The following ZNG1F variants were observed in gnomAD, a reference collection of about 807,000 sequenced individuals.
The protein encoded by ZNG1F is zinc-regulated GTPase metalloprotein activator 1F.
the ZNG1F span, among the ~76,000 whole-genome samples, chr9:41,201,152 G>A: frequency 7.0e-6 from 1 of 143,024 alleles, no homozygotes; most frequent in Non-Finnish European, 1.5e-5. Flanking sequence ...GGTGAAAGAA[G>A]CAATTTGTTC....
At chr9:41,187,185 C>G in the ZNG1F span, among the ~76,000 whole-genome samples, 221 of 142,976 alleles carry the variant, frequency 1.5e-3, 10 homozygotes, top group Admixed American at 3.0e-3. Flanking sequence ...TAATACGTTA[C>G]AGATTTATGC....
At chr9:41,156,084 T>G in the ZNG1F span, among the ~76,000 whole-genome samples, 1 of 128,066 alleles carries the variant, frequency 7.8e-6, no homozygotes, top group Non-Finnish European at 1.6e-5. Context: ...ATTTTCTATG[T>G]ATTTCATGCA....
chr9:41,165,113 T>C, the ZNG1F span: 2 of 1,546,424 alleles, frequency 1.3e-6, no homozygotes, highest in South Asian at 1.1e-5. Context: ...AAAAGAAATG[T>C]TAAGAAATTT....
chr9:41,150,573 GT>G, the ZNG1F span, among the ~76,000 whole-genome samples: 3 of 107,324 alleles, frequency 2.8e-5, no homozygotes, highest in Non-Finnish European at 3.9e-5. Flanking sequence ...ACCTGTCCCT[GT>G]CTGACAGCTT....
chr9:41,138,851 T>C, the ZNG1F span, among the ~76,000 whole-genome samples: 1 of 133,250 alleles, frequency 7.5e-6, no homozygotes, highest in Non-Finnish European at 1.6e-5. Context: ...TGCTATCTAG[T>C]TCATTGAATA....
the ZNG1F span, among the ~76,000 whole-genome samples, chr9:41,139,622 C>T: frequency 6.6e-5 from 10 of 151,568 alleles, no homozygotes; most frequent in African/African-American, 2.2e-4. Flanking sequence ...AAGAGAAGTA[C>T]AAGCAGACTA....
At chr9:41,146,424 AAT>A in the ZNG1F span, among the ~76,000 whole-genome samples, 2 of 25,560 alleles carry the variant, frequency 7.8e-5, no homozygotes, top group African/African-American at 1.6e-4. Context: ...AAAAAAAAAA[AAT>A]CTAACAACGA....
At chr9:41,145,546 A>G in the ZNG1F span, 2 of 609,146 alleles carry the variant, frequency 3.3e-6, no homozygotes, top group South Asian at 2.1e-5. Flanking sequence ...ACACATTCAT[A>G]TATATACATA....
the ZNG1F span, among the ~76,000 whole-genome samples, chr9:41,174,076 G>A: frequency 7.5e-5 from 11 of 146,816 alleles, no homozygotes; most frequent in African/African-American, 2.8e-4. Flanking sequence ...CCAAAAATTA[G>A]CCAGGTACGA....
chr9:41,144,414 T>A, the ZNG1F span, among the ~76,000 whole-genome samples: 1 of 121,976 alleles, frequency 8.2e-6, no homozygotes, highest in South Asian at 3.1e-4. Flanking sequence ...ATAAATTCTA[T>A]CTCCAAGGAC....
the ZNG1F span, among the ~76,000 whole-genome samples, chr9:41,166,215 T>C: frequency 3.9e-5 from 5 of 127,914 alleles, no homozygotes; most frequent in South Asian, 1.0e-3. Flanking sequence ...CTGGCCAACA[T>C]GGTGAAACCC....
chr9:41,166,445 C>CATAT, the ZNG1F span, among the ~76,000 whole-genome samples: 4 of 117,316 alleles, frequency 3.4e-5, no homozygotes, highest in African/African-American at 1.3e-4. Flanking sequence ...TATTATTATA[C>CATAT]ATATATATAT....
the ZNG1F span, among the ~76,000 whole-genome samples, chr9:41,141,095 T>C: frequency 4.6e-5 from 7 of 150,964 alleles, 1 homozygote; most frequent in Non-Finnish European, 8.9e-5. Context: ...TTTTAAGGGG[T>C]ACAATAAACT....
At chr9:41,169,217 C>T in the ZNG1F span, among the ~76,000 whole-genome samples, 2 of 151,208 alleles carry the variant, frequency 1.3e-5, no homozygotes, top group South Asian at 2.1e-4. Context: ...TTCCTACCTT[C>T]CCAAATCAAA....
At chr9:41,204,885 TGA>T in the ZNG1F span, among the ~76,000 whole-genome samples, 125 of 148,604 alleles carry the variant, frequency 8.4e-4, no homozygotes, top group African/African-American at 2.9e-3. Context: ...AATAATTTTA[TGA>T]GTTATAATTT....
At chr9:41,193,012 T>G in the ZNG1F span, among the ~76,000 whole-genome samples, 1 of 151,648 alleles carries the variant, frequency 6.6e-6, no homozygotes, top group Non-Finnish European at 1.5e-5. Context: ...ATAGGCACTG[T>G]GTTAAGCACA....
At chr9:41,175,219 G>T in the ZNG1F span, among the ~76,000 whole-genome samples, 7 of 147,534 alleles carry the variant, frequency 4.7e-5, no homozygotes, top group South Asian at 1.3e-3. Flanking sequence ...ATGAAATAAC[G>T]GTCAGCTGTT....
chr9:41,198,223 G>A, the ZNG1F span, among the ~76,000 whole-genome samples: 7,171 of 83,210 alleles, frequency 0.086, 1 homozygote, highest in Admixed American at 0.1. Context: ...CCGACATGGT[G>A]AAACCGTGTC....
chr9:41,137,276 G>A, the ZNG1F span, among the ~76,000 whole-genome samples: 3 of 149,168 alleles, frequency 2.0e-5, no homozygotes, highest in South Asian at 2.1e-4. Context: ...GTATCTGCAT[G>A]GTTTTGAAGG....
Sources: allele counts gnomAD v4.1 joint callset (sites outside exome capture counted in the v4.1 genomes callset), GRCh38; gene constraint gnomAD v4.1.1; transcripts MANE v1.5; gene names NCBI Gene and HGNC (gene_info 2026-07-23, HGNC 2026-07-21).